The following GJB1 variants were observed in gnomAD, a reference collection of about 807,000 sequenced individuals.
The protein encoded by GJB1 is gap junction protein beta 1.
Under a neutral mutation model 12.0 loss-of-function variants are expected in GJB1, and 1 was observed. The ratio of observed to expected loss-of-function variants is 0.08; its 90% CI spans 0.03 to 0.40. The LOEUF is 0.40. GJB1 is among the 10% of genes least tolerant of loss of function. The pLI is 0.98. For synonymous variants in GJB1, 114 were observed against 102.8 expected, an observed-to-expected ratio of 1.11 and a Z score of -0.66; for missense variants, 140 against 250.3, an observed-to-expected ratio of 0.56 and a Z score of 2.97.
At chrX:71,218,957 A>T (rs773425633), upstream of GJB1, among the ~76,000 whole-genome samples, 113 of 109,137 alleles carry the variant, frequency 1.0e-3, 2 homozygotes, top group South Asian at 7.4e-3. Flanking sequence ...TCACTTACTG[A>T]CTATGTGACT....
chrX:71,220,768 TG>T (rs2092535834), upstream of GJB1, among the ~76,000 whole-genome samples: 2 of 109,516 alleles, frequency 1.8e-5, 1 homozygote, highest in Middle Eastern at 9.3e-3. Context: ...CCCAAAGTGC[TG>T]GGATTGCAGG....
At chrX:71,221,037 C>T (rs1444130943), upstream of GJB1, among the ~76,000 whole-genome samples, 1 of 108,220 alleles carries the variant, frequency 9.2e-6, no homozygotes, top group Non-Finnish European at 1.9e-5. Context: ...GCTGGGATTA[C>T]AGGTGCATGC....
In GJB1 at chrX:71,224,946, T is replaced by A; in HGVS notation, c.*387T>A. ...GGAGTCACATCAGTGAGGAGGGATG[T>A]GGGTAAGAGGAGCAGAGGGCAGGGG... On this transcript the variant is annotated 3_prime_UTR_variant, in exon 2 of 2. Coordinates refer to ENST00000361726, the MANE Select transcript of GJB1 (RefSeq NM_000166.6). 4.0e-6 allele frequency: 1 copy of A among 252,433 alleles called. No homozygotes were observed. The highest frequency in any genetic ancestry group is 5.9e-5 in the Admixed American group (1 of 17,054). The allele number at this position is 252,433 out of a possible 1,213,427, so 20.8% of individuals were successfully genotyped here. A position where few individuals can be genotyped will look rare whatever the true frequency, so the allele number is the denominator to read the frequency against.
chrX:71,223,104 G>A (rs2092540752), upstream of GJB1: 1 of 132,175 alleles, frequency 7.6e-6, no homozygotes, highest in South Asian at 2.3e-4. Flanking sequence ...AGTGCTCTGT[G>A]TGTAGGGTGG....
upstream of GJB1, among the ~76,000 whole-genome samples, chrX:71,221,746 C>A (rs953459563): frequency 5.4e-5 from 6 of 111,207 alleles, no homozygotes; most frequent in African/African-American, 1.3e-4. Flanking sequence ...CTCCCTAGAG[C>A]AACTGGCAAG....
In GJB1 at chrX:71,223,981, G is replaced by T. The variant is rs369174219; in HGVS notation, c.274G>T (p.Ala92Ser). ...AGTTTCCACCCCAGCTCTCCTCGTG[G>T]CCATGCACGTGGCTCACCAGCAACA... ...ILVSTPALLV[A>S]MHVAHQQHIE... is the part of the protein sequence containing the mutation. Residue 92 changes from alanine (A) to serine (S), a missense_variant, in exon 2 of 2, where the codon GCC (alanine) becomes TCC (serine). Transcript: ENST00000361726. 2.5e-6 allele frequency: 3 copies of T among 1,203,053 alleles called. No homozygotes were observed. In the South Asian group the frequency reaches 5.4e-5, roughly 22 times the overall value.
chrX:71,218,807 A>G (rs1320285818), upstream of GJB1, among the ~76,000 whole-genome samples: 1 of 105,808 alleles, frequency 9.5e-6, no homozygotes, highest in Non-Finnish European at 1.9e-5. Context: ...AATGGCGTGA[A>G]CCCAGGGGGC....
In GJB1 at chrX:71,224,868, G is replaced by A. The variant is rs181881705; in HGVS notation, c.*309G>A. The A allele has an allele frequency of 4.8e-4, 189 of 392,989 alleles. 1 individual carries two copies. The highest frequency in any genetic ancestry group is 7.2e-4 in the Non-Finnish European group (156 of 216,739). The allele number at this position is 392,989 out of a possible 1,213,427, so 32.4% of individuals were successfully genotyped here. A position where few individuals can be genotyped will look rare whatever the true frequency, so the allele number is the denominator to read the frequency against. The stretch of plus-strand genomic sequence containing the variant: ...ACAAGAGATGGGATGCTCCGACAGC[G>A]TCTCCAATTATGAAACTAATCTTAA... On this transcript the variant is annotated 3_prime_UTR_variant, in exon 2 of 2. Transcript: ENST00000361726.
Position 71,224,530 on chromosome X carries a change from GA to G in GJB1, c.827del (p.Lys276ArgfsTer116). 1 of 1,192,078 alleles carries G rather than the reference GA, an allele frequency of 8.4e-7. No individual in the cohort carries two copies. The highest frequency in any genetic ancestry group is 2.3e-5 in the Admixed American group (1 of 43,529). On this transcript the variant is annotated frameshift_variant, in exon 2 of 2. Coordinates refer to ENST00000361726, the MANE Select transcript of GJB1 (RefSeq NM_000166.6). LOFTEE classifies it high-confidence loss of function. ...RSPGTGAGLA[E>X]KSDRCSAC Reference sequence around the variant, plus strand: ...CCCTGGCACCGGGGCTGGGCTGGCTGAAAAGAGCGACCGCTGCTCGGCCTGC... The same window carrying G: ...CCCTGGCACCGGGGCTGGGCTGGCTGAAAGAGCGACCGCTGCTCGGCCTGC...
upstream of GJB1, among the ~76,000 whole-genome samples, chrX:71,221,892 T>C (rs750238752): frequency 2.4e-4 from 26 of 108,767 alleles, no homozygotes; most frequent in Non-Finnish European, 3.8e-4. Flanking sequence ...CCCAACACTT[T>C]GGGAGGCAAA....
In GJB1 at chrX:71,225,383, G is replaced by C. The variant is rs1267995725; in HGVS notation, c.*824G>C. On this transcript the variant is annotated 3_prime_UTR_variant, in exon 2 of 2. Coordinates refer to ENST00000361726, the MANE Select transcript of GJB1 (RefSeq NM_000166.6). ...TCTGGGCCGCAGAGCCAGCCCCGGA[G>C]CCATTCCTCCCTGTTGCTTTTGTTG... The C allele has an allele frequency of 3.2e-5, 4 of 123,337 alleles. No individual in the cohort carries two copies. The South Asian group carries it at 1.5e-3, about 46-fold the overall frequency. 10.2% of individuals were successfully genotyped at this position (123,337 alleles called of 1,213,427 possible). A position where few individuals can be genotyped will look rare whatever the true frequency, so the allele number is the denominator to read the frequency against.
At chrX:71,217,137 T>TGC (rs1555936023) in intron 1 of GJB1, among the ~76,000 whole-genome samples, 19 of 108,728 alleles carry the variant, frequency 1.7e-4, no homozygotes, top group South Asian at 3.9e-4. Context: ...TGTGTGTGTG[T>TGC]GTGCGTGTGC....
chrX:71,217,457 G>A (rs1372304262), intron 1 of GJB1, among the ~76,000 whole-genome samples: 2 of 111,600 alleles, frequency 1.8e-5, no homozygotes, highest in Non-Finnish European at 3.8e-5. Context: ...CTAAATCTGG[G>A]GACAGGGCCA....
At chrX:71,221,517 A>G (rs1177204693), upstream of GJB1, among the ~76,000 whole-genome samples, 2 of 110,073 alleles carry the variant, frequency 1.8e-5, no homozygotes, top group Admixed American at 2.0e-4. Context: ...CCAGGGCTGA[A>G]TATGAGGCTT....
Position 71,224,406 on chromosome X carries a change from G to A in GJB1, c.699G>A (p.Ser233=), listed in dbSNP as rs769112084. The change falls in exon 2 of 2, where the codon TCG becomes TCA. Residue 233 remains serine, a synonymous_variant. Transcript: ENST00000361726. ...RRSNPPSRKG[S]GFGHRLSPEY... ...CCAATCCACCTTCCCGCAAGGGCTC[G>A]GGCTTCGGCCACCGCCTCTCACCTG... 9.1e-6 allele frequency: 11 copies of A among 1,208,254 alleles called. No individual in the cohort carries two copies. The highest frequency in any genetic ancestry group is 3.0e-5 in the East Asian group (1 of 33,714).
At chrX:71,219,407 G>A (rs982343714), upstream of GJB1, among the ~76,000 whole-genome samples, 1 of 108,451 alleles carries the variant, frequency 9.2e-6, no homozygotes, top group Non-Finnish European at 1.9e-5. Context: ...AGACTCAAGC[G>A]ATACTCCTAC....
chrX:71,220,127 G>A (rs1354436554), upstream of GJB1, among the ~76,000 whole-genome samples: 1 of 88,443 alleles, frequency 1.1e-5, no homozygotes, highest in Non-Finnish European at 2.0e-5. Context: ...ACAGGCGTGA[G>A]CCACTGTGCC....
chrX:71,217,914 G>A (rs2092528552), intron 1 of GJB1: 1 of 111,885 alleles, frequency 8.9e-6, no homozygotes, highest in Non-Finnish European at 1.9e-5. Context: ...AGGAAAAGCA[G>A]ACCAAATCAA....
chrX:71,224,982 A>G lies in GJB1; in HGVS notation c.*423A>G, dbSNP rs1035055668. 2.1e-5 allele frequency: 4 copies of G among 189,224 alleles called. No homozygotes were observed. Among genetic ancestry groups the G allele is most frequent in the Admixed American group, 1.4e-4 (2 of 13,934 alleles). The allele number at this position is 189,224 out of a possible 1,213,427, so 15.6% of individuals were successfully genotyped here. A position where few individuals can be genotyped will look rare whatever the true frequency, so the allele number is the denominator to read the frequency against. ...AGCAGAGGGCAGGGGTGCTGTGGAC[A>G]TGTGGGTGGAGAAGGGAGGGTGGCC... On this transcript the variant is annotated 3_prime_UTR_variant, in exon 2 of 2. Coordinates refer to ENST00000361726, the MANE Select transcript of GJB1 (RefSeq NM_000166.6).
Sources: allele counts gnomAD v4.1 joint callset (sites outside exome capture counted in the v4.1 genomes callset), GRCh38; gene constraint gnomAD v4.1.1; transcripts MANE v1.5; gene names NCBI Gene and HGNC (gene_info 2026-07-23, HGNC 2026-07-21).